ZPBP: variants seen among roughly 807,000 people sequenced by gnomAD.
ZPBP encodes the protein zona pellucida-binding protein 1.
ZPBP carries 26 observed loss-of-function variants against 44.8 expected under a neutral mutation model. The observed-to-expected ratio is 0.58, with a 90% CI of 0.43 to 0.81. The LOEUF (loss-of-function observed/expected upper bound fraction) is 0.81, where lower values mean the gene tolerates loss of function less well. Ranked by LOEUF, ZPBP falls within the 30% of genes least tolerant of loss-of-function variation. The pLI, the probability that ZPBP is intolerant of heterozygous loss-of-function variation, is 0.00. For missense variants in ZPBP, 409 were observed against 434.0 expected (o/e 0.94, Z 0.51); for synonymous variants, 174 against 153.2 (o/e 1.14, Z -1.00).
intron 7 of ZPBP, among the ~76,000 whole-genome samples, chr7:49,940,030 G>C (rs547669006): frequency 6.6e-6 from 1 of 152,240 alleles, no homozygotes; most frequent in Admixed American, 6.5e-5. Flanking sequence ...CAACCAATCA[G>C]AGCTTGGCTA....
At chr7:49,982,906 C>A (rs1217725199) in intron 7 of ZPBP, among the ~76,000 whole-genome samples, 1 of 151,638 alleles carries the variant, frequency 6.6e-6, no homozygotes, top group Non-Finnish European at 1.5e-5. Context: ...AGTGCTAGGA[C>A]CAAAAGTTAG....
At chr7:49,878,010 A>G (rs1173201546) in intron 2 of ZPBP, among the ~76,000 whole-genome samples, 2 of 151,976 alleles carry the variant, frequency 1.3e-5, no homozygotes, top group African/African-American at 2.4e-5. Context: ...TGGATGACTG[A>G]TGGTCTTTTA....
chr7:50,008,487 A>G (rs550102257), intron 6 of ZPBP, among the ~76,000 whole-genome samples: 38 of 152,082 alleles, frequency 2.5e-4, no homozygotes, highest in Non-Finnish European at 1.9e-4. Flanking sequence ...CAAAATGCCA[A>G]TGCCATTTTT....
At chr7:49,874,675 A>G (rs1457330180) in intron 2 of ZPBP, among the ~76,000 whole-genome samples, 2 of 152,162 alleles carry the variant, frequency 1.3e-5, no homozygotes, top group Non-Finnish European at 2.9e-5. Context: ...TGGAATTTAT[A>G]AAATTGCTGT....
At chr7:49,918,594 T>C (rs1168689564) in intron 1 of ZPBP, 1 of 152,214 alleles carries the variant, frequency 6.6e-6, no homozygotes, top group Non-Finnish European at 1.5e-5. Flanking sequence ...ATTTACAAAA[T>C]ATAACCAAAT....
At chr7:50,067,783 G>T (rs1048421487) in intron 3 of ZPBP, among the ~76,000 whole-genome samples, 1 of 152,170 alleles carries the variant, frequency 6.6e-6, no homozygotes, top group Non-Finnish European at 1.5e-5. Context: ...GTGGCAGCTA[G>T]TGTTTTAAAA....
chr7:49,916,544 T>C (rs1394123168), intron 1 of ZPBP: 1 of 152,242 alleles, frequency 6.6e-6, no homozygotes, highest in Non-Finnish European at 1.5e-5. Context: ...AATCATACCA[T>C]AGTTTGCATA....
At chr7:49,900,921 A>T (rs1792689604) in intron 2 of ZPBP, among the ~76,000 whole-genome samples, 1 of 151,868 alleles carries the variant, frequency 6.6e-6, no homozygotes, top group Non-Finnish European at 1.5e-5. Context: ...TCACAACTAC[A>T]TGGGATTTAT....
intron 4 of ZPBP, among the ~76,000 whole-genome samples, chr7:50,051,992 C>T (rs968545484): frequency 2.0e-5 from 3 of 151,738 alleles, no homozygotes; most frequent in Admixed American, 6.6e-5. Context: ...AGGAAACCTA[C>T]AAAACTTTTC....
chr7:49,899,747 C>T (rs1048153465), intron 2 of ZPBP, among the ~76,000 whole-genome samples: 1 of 151,840 alleles, frequency 6.6e-6, no homozygotes, highest in Non-Finnish European at 1.5e-5. Context: ...ACCCCTCTAC[C>T]AGAAATGTAT....
chr7:49,980,212 A>G (rs1169286294), intron 7 of ZPBP, among the ~76,000 whole-genome samples: 1 of 121,660 alleles, frequency 8.2e-6, no homozygotes, highest in Non-Finnish European at 1.6e-5. Context: ...TATGTTATAT[A>G]ATATAAAATT....
chr7:50,014,486 C>T (rs139556767), intron 6 of ZPBP, among the ~76,000 whole-genome samples: 10 of 123,238 alleles, frequency 8.1e-5, no homozygotes, highest in Non-Finnish European at 1.2e-4. Context: ...TTTTTTGAGA[C>T]GAAGTTTCAC....
At chr7:49,894,028 C>G (rs142088607) in intron 2 of ZPBP, among the ~76,000 whole-genome samples, 217 of 152,298 alleles carry the variant, frequency 1.4e-3, no homozygotes, top group African/African-American at 4.8e-3. Context: ...ACGAACCATT[C>G]CTCAACACCT....
chr7:49,868,613 T>C (rs1791009065), intron 2 of ZPBP, among the ~76,000 whole-genome samples: 1 of 152,194 alleles, frequency 6.6e-6, no homozygotes, highest in Admixed American at 6.5e-5. Flanking sequence ...TGATCTCATG[T>C]AGGGAGTTTT....
chr7:49,870,352 A>C (rs988313377), intron 2 of ZPBP, among the ~76,000 whole-genome samples: 5 of 152,174 alleles, frequency 3.3e-5, no homozygotes, highest in Admixed American at 6.5e-5. Flanking sequence ...GTGAGCGAAG[A>C]TTGCGCCACT....
chr7:50,065,071 C>G (rs922278012), intron 3 of ZPBP, among the ~76,000 whole-genome samples: 1 of 152,320 alleles, frequency 6.6e-6, no homozygotes, highest in East Asian at 1.9e-4. Context: ...CCGGTCCCTC[C>G]GTTTGTAGTC....
At chr7:49,995,595 T>G (rs1797790449) in intron 6 of ZPBP, among the ~76,000 whole-genome samples, 1 of 152,228 alleles carries the variant, frequency 6.6e-6, no homozygotes, top group Admixed American at 6.5e-5. Context: ...AAGTCCTTGA[T>G]GATGGCAGTA....
At chr7:50,071,040 T>C (rs1672560761) in intron 3 of ZPBP, among the ~76,000 whole-genome samples, 7 of 152,198 alleles carry the variant, frequency 4.6e-5, no homozygotes, top group Admixed American at 3.9e-4. Context: ...AAGTTTCTGA[T>C]TACAAATTTT....
intron 5 of ZPBP, among the ~76,000 whole-genome samples, chr7:50,023,176 C>G (rs1426521098): frequency 1.3e-5 from 2 of 151,978 alleles, no homozygotes; most frequent in African/African-American, 4.8e-5. Flanking sequence ...AAGGGAAATA[C>G]CAAATTCAAA....
Sources: gnomAD v4.1 joint callset for allele counts (sites outside exome capture counted in the v4.1 genomes callset) on GRCh38, gnomAD v4.1.1 for gene constraint, MANE v1.5 for transcripts, NCBI Gene and HGNC (gene_info 2026-07-23, HGNC 2026-07-21) for gene names.